Variants in GRM4 observed in about 807,000 individuals in gnomAD.
GRM4 encodes the protein glutamate metabotropic receptor 4, also known as metabotropic glutamate receptor 4.
In GRM4, 28 loss-of-function variants were observed where a neutral mutation model predicts 81.7. The ratio of observed to expected loss-of-function variants is 0.34; its 90% CI spans 0.25 to 0.47. GRM4 has a LOEUF of 0.47. Ranked by LOEUF, GRM4 falls within the 20% of genes least tolerant of loss-of-function variation. The pLI, the probability that GRM4 is intolerant of heterozygous loss-of-function variation, is 1.00. For synonymous variants in GRM4, 488 were observed against 528.8 expected (o/e 0.92, Z 1.06); for missense variants, 948 against 1,290.0 (o/e 0.73, Z 4.06).
At chr6:34,141,437 G>T (rs146301842) in intron 1 of GRM4, among the ~76,000 whole-genome samples, 305 of 152,276 alleles carry the variant, frequency 2.0e-3, no homozygotes, top group African/African-American at 6.4e-3. Flanking sequence ...TAATTGAATG[G>T]GGTCCAGATA....
chr6:34,153,066 G>A (rs557881605), intron 1 of GRM4, among the ~76,000 whole-genome samples: 13 of 152,278 alleles, frequency 8.5e-5, no homozygotes, highest in African/African-American at 2.9e-4. Context: ...GGGTCCAGGT[G>A]TGAGCCCCTG....
At chr6:34,027,577 T>TAG in intron 10 of GRM4, among the ~76,000 whole-genome samples, 1 of 152,242 alleles carries the variant, frequency 6.6e-6, no homozygotes, top group Middle Eastern at 3.4e-3. Flanking sequence ...ATAGCTCAGG[T>TAG]GCCTGCTAGG....
chr6:34,142,832 A>G (rs988584056), intron 1 of GRM4, among the ~76,000 whole-genome samples: 1 of 151,880 alleles, frequency 6.6e-6, no homozygotes, highest in Admixed American at 6.6e-5. Context: ...GGAGGGGGGG[A>G]GGAGGAGCGG....
In GRM4 at chr6:34,130,100, G is replaced by A. The variant is rs1008151795; in HGVS notation, c.519+2878C>T. Among the ~76,000 whole-genome samples the A allele has an allele frequency of 4.6e-5, 7 of 151,996 alleles. No individual in the cohort carries two copies. Among genetic ancestry groups the A allele is most frequent in the Non-Finnish European group, 1.0e-4 (7 of 67,990 alleles). ...ATCCCTCCCTCACCCTCTCCTTCCCGAGGCTCCTGCTCCCGACCTCCCTCC... is the reference window on the plus strand; with the variant it reads ...ATCCCTCCCTCACCCTCTCCTTCCCAAGGCTCCTGCTCCCGACCTCCCTCC... On this transcript the variant is annotated intron_variant, in intron 2 of 10. Transcript: ENST00000538487. This position sits in a 1 kb window ranked among gnomAD's most constrained non-coding sequence, Gnocchi z 4.1.
Position 34,070,262 on chromosome 6 carries a change from G to A in GRM4, c.737-8234C>T, listed in dbSNP as rs528536427. Among the ~76,000 whole-genome samples the A allele has an allele frequency of 8.5e-5, 13 of 152,236 alleles. No individual in the cohort carries two copies. In the South Asian group the frequency reaches 2.5e-3, roughly 29 times the overall value. On this transcript the variant is annotated intron_variant, in intron 3 of 10. Transcript: ENST00000538487. The surrounding 1 kb of genome is among the most constrained non-coding windows in gnomAD (Gnocchi z 4.6). ...TCCACAGTGATACTCTGTGCTCAGC[G>A]TCCACACGCGTGGGGTGGGTACCCA...
At chr6:34,146,177 A>C (rs955784212), upstream of GRM4, 20 of 982,494 alleles carry the variant, frequency 2.0e-5, no homozygotes, top group African/African-American at 2.8e-4. Context: ...GTATGCCCCC[A>C]TGTGGCATGT....
At chr6:34,155,268 G>A in exon 1 of GRM4, 1 of 1,534,838 alleles carries the variant, frequency 6.5e-7, no homozygotes, top group Non-Finnish European at 8.7e-7. Context: ...GGCGGCAGGT[G>A]AGGTTTCCTT....
chr6:34,065,433 C>G (rs991997446), intron 3 of GRM4, among the ~76,000 whole-genome samples: 10 of 152,192 alleles, frequency 6.6e-5, no homozygotes, highest in Non-Finnish European at 1.0e-4. Flanking sequence ...TGAAAGCCCA[C>G]AAAGCCCTCA....
intron 2 of GRM4, among the ~76,000 whole-genome samples, chr6:34,127,825 GCT>G (rs1328383185): frequency 1.3e-5 from 2 of 152,122 alleles, no homozygotes; most frequent in Admixed American, 6.5e-5. Context: ...GGGTGGGTGG[GCT>G]CTCTCTAGAG....
rs1197938655 is a variant in GRM4, at chr6:34,020,116, C to T, written c.*2705G>A. 2 of 152,612 alleles carry T rather than the reference C, an allele frequency of 1.3e-5. No homozygotes were observed. The highest frequency in any genetic ancestry group is 4.8e-5 in the African/African-American group (2 of 41,572). The allele number at this position is 152,612 out of a possible 1,614,324, so 9.5% of individuals were successfully genotyped here. A position where few individuals can be genotyped will look rare whatever the true frequency, so the allele number is the denominator to read the frequency against. Reference sequence around the variant, plus strand: ...CAAGGCTTCCCTCCTCCACCCACCTCATTCTAACAGTCATTTTACTTTGGG... The same window carrying T: ...CAAGGCTTCCCTCCTCCACCCACCTTATTCTAACAGTCATTTTACTTTGGG... On this transcript the variant is annotated 3_prime_UTR_variant, in exon 11 of 11. Coordinates refer to ENST00000538487, the MANE Select transcript of GRM4 (RefSeq NM_000841.4).
At chr6:34,091,834 G>T in intron 3 of GRM4, 49 bp downstream of exon 3, 1 of 1,388,060 alleles carries the variant, frequency 7.2e-7, no homozygotes. Flanking sequence ...TCACTGTGCC[G>T]GGACACCCCC....
Position 34,078,726 on chromosome 6 carries a change from C to T in GRM4, c.736+13157G>A, listed in dbSNP as rs549725696. On this transcript the variant is annotated intron_variant, in intron 3 of 10. Coordinates refer to ENST00000538487, the MANE Select transcript of GRM4 (RefSeq NM_000841.4). This position sits in a 1 kb window ranked among gnomAD's most constrained non-coding sequence, Gnocchi z 4.8. ...CTCCGCCCTCCCTCCCTCCTCTCCT[C>T]TTACTTGTCACTTTGTCCTGCTTCC... 9.2e-5 allele frequency among the ~76,000 whole-genome samples: 14 copies of T among 152,270 alleles called. No homozygotes were observed. The highest frequency in any genetic ancestry group is 2.6e-4 in the Admixed American group (4 of 15,300).
At position 34,035,791 on chromosome 6, in the gene GRM4, C is replaced by G. The variant is rs1443628909; in HGVS notation, c.2319G>C (p.Lys773Asn). ...LMVTCTVYAI[K>N]TRGVPETFNE... Reference sequence around the variant, plus strand: ...TGAAGGTCTCGGGCACGCCGCGTGTCTTGATGGCATACACGGTGCACGTGA... The same window carrying G: ...TGAAGGTCTCGGGCACGCCGCGTGTGTTGATGGCATACACGGTGCACGTGA... Residue 773 changes from lysine (K) to asparagine (N), a missense_variant, in exon 9 of 11, where the codon AAG becomes AAC. Lys to Asn is a moderately conservative substitution (Grantham distance 94, BLOSUM62 0). Coordinates refer to ENST00000538487, the MANE Select transcript of GRM4 (RefSeq NM_000841.4). The surrounding 1 kb of genome is among the most constrained non-coding windows in gnomAD (Gnocchi z 6.6). 1 of 1,613,802 alleles carries G rather than the reference C, an allele frequency of 6.2e-7. No individual in the cohort carries two copies. The highest frequency in any genetic ancestry group is 8.5e-7 in the Non-Finnish European group (1 of 1,179,702).
chr6:34,059,093 G>A lies in GRM4; in HGVS notation c.908C>T (p.Thr303Ile), dbSNP rs199736854. 185 of 1,613,872 alleles carry A rather than the reference G, an allele frequency of 1.1e-4. No homozygotes were observed. Among genetic ancestry groups the A allele is most frequent in the Non-Finnish European group, 1.5e-4 (180 of 1,179,922 alleles). The change falls in exon 5 of 11, where the codon ACA becomes ATA. Residue 303 changes from threonine (T) to isoleucine (I), a missense_variant. Transcript: ENST00000538487. This position sits in a 1 kb window ranked among gnomAD's most constrained non-coding sequence, Gnocchi z 5.7. Reference sequence around the variant, plus strand: ...AGAGCCCATCCAGAAGAAATGGCCTGTCTGGTTGGCCCTTCGTGCTGCCTC... The same window carrying A: ...AGAGCCCATCCAGAAGAAATGGCCTATCTGGTTGGCCCTTCGTGCTGCCTC... ...VLEAARRANQ[T>I]GHFFWMGSDS...
intron 2 of GRM4, among the ~76,000 whole-genome samples, chr6:34,095,158 C>G (rs377727453): frequency 6.6e-6 from 1 of 152,172 alleles, no homozygotes; most frequent in African/African-American, 2.4e-5. Flanking sequence ...ATTTCAAGAG[C>G]GCAGGAGGGG....
rs1305676238 is a variant in GRM4 at position 34,042,713 on chromosome 6, T to G, written c.1169-1965A>C. On this transcript the variant is annotated intron_variant, in intron 6 of 10. Transcript: ENST00000538487. The surrounding 1 kb of genome is among the most constrained non-coding windows in gnomAD (Gnocchi z 4.2). Reference sequence around the variant, plus strand: ...AGGCCAGGGTTAAGCTGGGTCCACATGAGGCAGTGATTCCCCGGGGACTCC... The same window carrying G: ...AGGCCAGGGTTAAGCTGGGTCCACAGGAGGCAGTGATTCCCCGGGGACTCC... 6.6e-6 allele frequency among the ~76,000 whole-genome samples: 1 copy of G among 152,156 alleles called. No individual in the cohort carries two copies. Among genetic ancestry groups the G allele is most frequent in the East Asian group, 1.9e-4 (1 of 5,200 alleles).
At chr6:34,061,537 G>A (rs190728650) in intron 4 of GRM4, 15 of 212,522 alleles carry the variant, frequency 7.1e-5, no homozygotes, top group Non-Finnish European at 1.2e-4. Flanking sequence ...GCCCAGAGAG[G>A]TTAAGAAATT....
chr6:34,035,824 C>T lies in GRM4; in HGVS notation c.2286G>A (p.Leu762=). The T allele has an allele frequency of 6.2e-7, 1 of 1,613,644 alleles. No homozygotes were observed. Among genetic ancestry groups the T allele is most frequent in the Middle Eastern group, 1.6e-4 (1 of 6,062 alleles). The change falls in exon 9 of 11, where the codon CTG becomes CTA. Residue 762 remains leucine (L), a synonymous_variant. Transcript: ENST00000538487. This position sits in a 1 kb window ranked among gnomAD's most constrained non-coding sequence, Gnocchi z 6.6. The part of the protein sequence containing the change: ...SLICLLGYSM[L]LMVTCTVYAI... ...CATACACGGTGCACGTGACCATGAG[C>T]AGCATGCTGTAGCCCAGCAGGCAGA... is the stretch of plus-strand genomic sequence containing the variant.
chr6:34,102,097 T>C, intron 2 of GRM4: 3 of 1,535,482 alleles, frequency 2.0e-6, no homozygotes, highest in African/African-American at 2.7e-5. Flanking sequence ...CATGGGGAAA[T>C]AGCTTGGGAA....
Sources: gnomAD v4.1 joint callset for allele counts (sites outside exome capture counted in the v4.1 genomes callset) on GRCh38, gnomAD v4.1.1 for gene constraint, Gnocchi (gnomAD v3.1) non-coding constraint, MANE v1.5 for transcripts, NCBI Gene and HGNC (gene_info 2026-07-23, HGNC 2026-07-21) for gene names.